The following ABCA12 variants were observed in gnomAD, a reference collection of about 807,000 sequenced individuals.
The protein encoded by ABCA12 is ATP binding cassette subfamily A member 12.
ABCA12 carries 156 observed loss-of-function variants against 293.5 expected under a neutral mutation model. The ratio of observed to expected loss-of-function variants is 0.53; its 90% CI spans 0.47 to 0.61. ABCA12 has a LOEUF of 0.61. ABCA12 is among the 20% of genes least tolerant of loss of function. The pLI, the probability that ABCA12 is intolerant of heterozygous loss-of-function variation, is 0.00. For synonymous variants in ABCA12, 1,063 were observed against 1,108.0 expected, an observed-to-expected ratio of 0.96 and a Z score of 0.81; for missense variants, 2,797 against 3,090.2, an observed-to-expected ratio of 0.91 and a Z score of 2.25.
rs556678641 is a variant in ABCA12 at position 214,983,662 on chromosome 2, T to A, written c.4367A>T (p.His1456Leu). The A allele has an allele frequency of 1.8e-5, 29 of 1,614,156 alleles. No individual in the cohort carries two copies. The Admixed American group carries it at 4.5e-4, about 25-fold the overall frequency. Reference protein sequence around the residue: ...KVPHWTKKQLHEEVKRTLKDT... With the variant: ...KVPHWTKKQLLEEVKRTLKDT... ...CTTAACTTGCCTTTTTACTTCCTCG[T>A]GGAGCTGCTTTTTAGTCCAGTGAGG... Residue 1456 changes from histidine (H) to leucine (L), a missense_variant, in exon 29 of 53, where the codon CAC becomes CTC. His to Leu is a moderately conservative substitution (Grantham distance 99). Coordinates refer to ENST00000272895, the MANE Select transcript of ABCA12 (RefSeq NM_173076.3).
At chr2:215,065,718 G>A (rs2106075661) in intron 2 of ABCA12, among the ~76,000 whole-genome samples, 1 of 151,992 alleles carries the variant, frequency 6.6e-6, no homozygotes, top group South Asian at 2.1e-4. Flanking sequence ...GCCCTGCTGA[G>A]ACCTTGGATT....
intron 52 of ABCA12, among the ~76,000 whole-genome samples, chr2:214,933,648 C>T (rs978409253): frequency 6.6e-6 from 1 of 152,142 alleles, no homozygotes; most frequent in South Asian, 2.1e-4. Context: ...GCATTTACCA[C>T]TTTAATTGCC....
chr2:215,131,708 T>A (rs1353366456), intron 1 of ABCA12, among the ~76,000 whole-genome samples: 4 of 149,126 alleles, frequency 2.7e-5, no homozygotes, highest in Non-Finnish European at 6.0e-5. Flanking sequence ...TATTGTTTTT[T>A]TTTTTTTTTT....
chr2:215,052,344 G>A, intron 5 of ABCA12, 143 bp downstream of exon 5: 2 of 672,960 alleles, frequency 3.0e-6, no homozygotes, highest in Non-Finnish European at 5.3e-6. Flanking sequence ...TTTATTGAAG[G>A]GTTCCTAAGA....
chr2:215,076,491 A>ATCG (rs1701836768), intron 2 of ABCA12, among the ~76,000 whole-genome samples: 1 of 152,200 alleles, frequency 6.6e-6, no homozygotes. Context: ...TACATCTATC[A>ATCG]GATTGGCAAA....
chr2:215,092,088 A>C (rs1269050670), intron 2 of ABCA12, among the ~76,000 whole-genome samples: 2 of 152,164 alleles, frequency 1.3e-5, no homozygotes, highest in Non-Finnish European at 2.9e-5. Context: ...ATGGCCTCAG[A>C]AGCCTCCTGG....
intron 3 of ABCA12, among the ~76,000 whole-genome samples, chr2:215,059,426 A>G (rs1701484663): frequency 6.6e-6 from 1 of 152,072 alleles, no homozygotes; most frequent in South Asian, 2.1e-4. Flanking sequence ...AGGGTCATCC[A>G]TACTTCAGCT....
chr2:215,028,801 T>G (rs1700807581), intron 9 of ABCA12, among the ~76,000 whole-genome samples: 1 of 152,218 alleles, frequency 6.6e-6, no homozygotes, highest in African/African-American at 2.4e-5. Flanking sequence ...AGTCTACCTA[T>G]GACATCAGTG....
At chr2:214,944,947 C>A in intron 49 of ABCA12, 54 bp downstream of exon 49, 2 of 1,450,018 alleles carry the variant, frequency 1.4e-6, no homozygotes, top group Non-Finnish European at 1.9e-6. Flanking sequence ...TACCTTTTCC[C>A]ACCTGTCATC....
rs115998980 is a variant in ABCA12, at chr2:215,050,573, A to G, written c.508-762T>C. On this transcript the variant is annotated intron_variant, in intron 5 of 52. Transcript: ENST00000272895. The stretch of plus-strand genomic sequence containing the variant: ...TGATGATAGTTAGTTGTCAGACTTA[A>G]GGGGTCCATCTTAATAATTAATTCT... 5.4e-3 allele frequency among the ~76,000 whole-genome samples: 820 copies of G among 152,204 alleles called. 5 individuals are homozygous for G. Among genetic ancestry groups the G allele is most frequent in the Middle Eastern group, 0.02 (6 of 294 alleles).
At chr2:215,107,621 T>C (rs16853364) in intron 2 of ABCA12, among the ~76,000 whole-genome samples, 5,619 of 152,312 alleles carry the variant, frequency 0.037, 341 homozygotes, top group African/African-American at 0.13. Flanking sequence ...TGTCAGGGAT[T>C]GCAGCTGGTT....
At chr2:215,048,837 G>T (rs572409888) in intron 6 of ABCA12, among the ~76,000 whole-genome samples, 1 of 152,336 alleles carries the variant, frequency 6.6e-6, no homozygotes, top group East Asian at 1.9e-4. Flanking sequence ...CAAAGAATGA[G>T]ATGATGTCCT....
At chr2:214,982,802 T>C (rs1039737681) in intron 29 of ABCA12, among the ~76,000 whole-genome samples, 1 of 152,128 alleles carries the variant, frequency 6.6e-6, no homozygotes, top group Non-Finnish European at 1.5e-5. Context: ...TTGGGAGGGA[T>C]ATAGGGAAAT....
intron 7 of ABCA12, among the ~76,000 whole-genome samples, chr2:215,037,460 A>G (rs549014144): frequency 1.3e-5 from 2 of 152,304 alleles, no homozygotes; most frequent in South Asian, 4.1e-4. Flanking sequence ...ACCAAACCCA[A>G]ATAAAGGATC....
rs559688576 is a variant in ABCA12 at position 215,105,693 on chromosome 2, T to C, written c.163+5904A>G. Among the ~76,000 whole-genome samples the C allele has an allele frequency of 4.0e-5, 6 of 150,034 alleles. No homozygotes were observed. The East Asian group carries it at 1.2e-3, about 30-fold the overall frequency. On this transcript the variant is annotated intron_variant, in intron 2 of 52. Transcript: ENST00000272895. The stretch of plus-strand genomic sequence containing the variant: ...GACAATGGGATCTTGAACCAAGGGG[T>C]GACAGGAAGGATGGAAGGGCAGCAG...
intron 5 of ABCA12, among the ~76,000 whole-genome samples, chr2:215,052,034 C>T (rs1181274700): frequency 2.0e-5 from 3 of 151,988 alleles, no homozygotes; most frequent in South Asian, 2.1e-4. Context: ...ACAGAGAAAT[C>T]GATAAGTAAG....
chr2:214,947,655 A>T (rs1036908983), intron 47 of ABCA12, 99 bp from the exon 48 acceptor site: 2 of 1,335,964 alleles, frequency 1.5e-6, no homozygotes, highest in Non-Finnish European at 2.1e-6. Flanking sequence ...AGAAAATGTT[A>T]TCATGGAGAA....
At chr2:214,955,468 GC>G in intron 42 of ABCA12, 107 bp from the exon 43 acceptor site, 1 of 1,163,154 alleles carries the variant, frequency 8.6e-7, no homozygotes, top group Non-Finnish European at 1.3e-6. Flanking sequence ...GATCACTTGA[GC>G]CCAGGAGTTT....
At chr2:215,056,330 A>G (rs1280796827) in intron 3 of ABCA12, among the ~76,000 whole-genome samples, 1 of 152,060 alleles carries the variant, frequency 6.6e-6, no homozygotes, top group Non-Finnish European at 1.5e-5. Flanking sequence ...TAGCATTTAA[A>G]CACCATGGAA....
Sources: gnomAD v4.1 joint callset for allele counts (sites outside exome capture counted in the v4.1 genomes callset) on GRCh38, gnomAD v4.1.1 for gene constraint, MANE v1.5 for transcripts, NCBI Gene and HGNC (gene_info 2026-07-23, HGNC 2026-07-21) for gene names.